COPA: variants seen among roughly 807,000 people sequenced by gnomAD.
The protein encoded by COPA is coatomer subunit alpha.
A neutral mutation model predicts 158.7 loss-of-function variants in COPA; 10 were observed. The observed-to-expected ratio is 0.06, with a 90% CI of 0.04 to 0.11. The LOEUF (loss-of-function observed/expected upper bound fraction) is 0.11. Ranked by LOEUF, COPA falls within the 10% of genes least tolerant of loss-of-function variation. The probability of loss-of-function intolerance (pLI) is 1.00; values close to 1 mark genes in which losing one functional copy is unlikely to be tolerated. For missense variants in COPA, 1,065 were observed against 1,536.7 expected, an observed-to-expected ratio of 0.69 and a Z score of 5.13; for synonymous variants, 462 against 542.8, an observed-to-expected ratio of 0.85 and a Z score of 2.07.
chr1:160,327,565 A>AAAAAAAAGG (rs1320625986), intron 6 of COPA, among the ~76,000 whole-genome samples: 1 of 141,888 alleles, frequency 7.0e-6, no homozygotes, highest in Admixed American at 7.0e-5. Flanking sequence ...TCTCAAATTA[A>AAAAAAAAGG]AAAAAAAGGA....
intron 17 of COPA, 71 bp downstream of exon 17, chr1:160,305,362 A>C: frequency 6.7e-7 from 1 of 1,488,752 alleles, no homozygotes; most frequent in East Asian, 2.3e-5. Context: ...GACTTCAGTT[A>C]CATCTCAAGA....
chr1:160,331,903 A>G (rs12070365), intron 6 of COPA, among the ~76,000 whole-genome samples: 6,379 of 151,564 alleles, frequency 0.042, 434 homozygotes, highest in African/African-American at 0.15. Flanking sequence ...CAAGATCATC[A>G]CACCACTGCG....
At chr1:160,299,013 G>A (rs764712193) in intron 18 of COPA, 22 bp from the exon 19 acceptor site, 41 of 1,611,838 alleles carry the variant, frequency 2.5e-5, no homozygotes, top group Middle Eastern at 1.7e-4. Context: ...GGGTGGAGTC[G>A]GGCAAGAAGT....
intron 8 of COPA, among the ~76,000 whole-genome samples, chr1:160,319,634 CA>C (rs1659267188): frequency 6.6e-6 from 1 of 151,062 alleles, no homozygotes; most frequent in South Asian, 2.1e-4. Context: ...CTTTAGGCCA[CA>C]AAACAAGCTT....
At chr1:160,310,327 C>G in intron 11 of COPA, 69 bp from the exon 12 acceptor site, 1 of 865,556 alleles carries the variant, frequency 1.2e-6, no homozygotes, top group Non-Finnish European at 1.8e-6. Flanking sequence ...AAAGGAATCA[C>G]CCCCACACCT....
At chr1:160,314,553 C>G (rs913780340) in intron 8 of COPA, among the ~76,000 whole-genome samples, 1 of 152,078 alleles carries the variant, frequency 6.6e-6, no homozygotes, top group Non-Finnish European at 1.5e-5. Context: ...TCGCCCAAGC[C>G]CAAAAGGTCA....
At chr1:160,308,013 G>A (rs1658845288) in intron 13 of COPA, among the ~76,000 whole-genome samples, 3 of 152,134 alleles carry the variant, frequency 2.0e-5, no homozygotes, top group South Asian at 2.1e-4. Context: ...CAACACTCCC[G>A]TTTTCCAGGG....
chr1:160,309,898 G>A (rs1326795464), intron 12 of COPA, among the ~76,000 whole-genome samples: 3 of 151,910 alleles, frequency 2.0e-5, no homozygotes, highest in African/African-American at 7.3e-5. Flanking sequence ...TCTTTCCATA[G>A]GAAATATATA....
chr1:160,309,483 G>A (rs1350182084), intron 12 of COPA, among the ~76,000 whole-genome samples: 4 of 151,470 alleles, frequency 2.6e-5, no homozygotes, highest in Admixed American at 6.6e-5. Flanking sequence ...TGATATTCTG[G>A]TACCCCACCC....
Position 160,298,868 on chromosome 1 carries a change from C to T in COPA, c.1954G>A (p.Ala652Thr). 1 of 1,614,150 alleles carries T rather than the reference C, an allele frequency of 6.2e-7. No homozygotes were observed. The highest frequency in any genetic ancestry group is 2.2e-5 in the East Asian group (1 of 44,874). The change falls in exon 19 of 33, where the codon GCA becomes ACA. Residue 652 changes from alanine (A) to threonine (T), a missense_variant. Physicochemically the swap from Ala to Thr is moderately conservative, Grantham distance 58. Coordinates refer to ENST00000241704, the MANE Select transcript of COPA (RefSeq NM_004371.4). Reference sequence around the variant, plus strand: ...ACCTCAATGTTTCCACACTCCAGTGCCAGACTAAAGCGAGTTTTCTCATCC... The same window carrying T: ...ACCTCAATGTTTCCACACTCCAGTGTCAGACTAAAGCGAGTTTTCTCATCC... ...VKDEKTRFSLALECGNIEIAL... is the reference protein window; with the variant it reads ...VKDEKTRFSLTLECGNIEIAL...
chr1:160,291,437 A>T lies in COPA; in HGVS notation c.3318T>A (p.Arg1106=). 1 of 1,614,178 alleles carries T rather than the reference A, an allele frequency of 6.2e-7. No individual in the cohort carries two copies. The highest frequency in any genetic ancestry group is 2.2e-5 in the East Asian group (1 of 44,886). ...LQPVHMILVL[R]TALNLFFKLK... ...GCTTGAAGAACAGATTGAGGGCTGT[A>T]CGCAGCACCAGGATCATGTGCACAG... Residue 1106 remains arginine, a synonymous_variant, in exon 31 of 33, where the codon CGT becomes CGA. Transcript: ENST00000241704.
chr1:160,295,844 G>A lies in COPA; in HGVS notation c.2368C>T (p.Pro790Ser), dbSNP rs951046768. The A allele has an allele frequency of 6.2e-7, 1 of 1,610,448 alleles. No individual in the cohort carries two copies. Among genetic ancestry groups the A allele is most frequent in the Non-Finnish European group, 8.5e-7 (1 of 1,178,996 alleles). The change falls in exon 23 of 33, where the codon CCT becomes TCT. Residue 790 changes from proline (P) to serine (S), a missense_variant. By Grantham distance (74) the Pro-to-Ser change is moderately conservative. This residue lies in a region of COPA where 980 missense variants were observed against 1,357.8 expected (regional missense o/e 0.72). Coordinates refer to ENST00000241704, the MANE Select transcript of COPA (RefSeq NM_004371.4). ...PEKETIPDID[P>S]NAKLLQPPAP... Reference sequence around the variant, plus strand: ...GGTGGCTGGAGCAGCTTGGCATTAGGGTCAATGTCTGGGATCTGAATAGTA... The same window carrying A: ...GGTGGCTGGAGCAGCTTGGCATTAGAGTCAATGTCTGGGATCTGAATAGTA...
chr1:160,307,298 GACAT>G, intron 13 of COPA, 53 bp from the exon 14 acceptor site: 4 of 1,563,004 alleles, frequency 2.6e-6, no homozygotes, highest in Non-Finnish European at 3.5e-6. Flanking sequence ...ACTGGCAGGT[GACAT>G]AGTCGGGTGC....
chr1:160,312,775 T>A (rs1659008240), intron 10 of COPA, among the ~76,000 whole-genome samples: 1 of 152,226 alleles, frequency 6.6e-6, no homozygotes, highest in Non-Finnish European at 1.5e-5. Context: ...AGTCTCTGCA[T>A]TTGCTGTTCC....
chr1:160,327,799 G>A (rs376202610), intron 6 of COPA, among the ~76,000 whole-genome samples: 9 of 151,300 alleles, frequency 5.9e-5, no homozygotes, highest in Admixed American at 1.3e-4. Flanking sequence ...CGGAGGCTGC[G>A]ATGAGCTGAG....
Position 160,306,403 on chromosome 1 carries a change from G to A in COPA, c.1393C>T (p.Leu465=). The change falls in exon 15 of 33, where the codon CTG becomes TTG. Residue 465 remains leucine (L), a synonymous_variant. Transcript: ENST00000241704. Reference sequence around the variant, plus strand: ...GTGATAGAGTCCGCATCTCGAAGCAGGAGATTGCCTGTGCCAGCATAGAAG... The same window carrying A: ...GTGATAGAGTCCGCATCTCGAAGCAAGAGATTGCCTGTGCCAGCATAGAAG... ...EIFYAGTGNL[L]LRDADSITLF... 1 of 1,614,022 alleles carries A rather than the reference G, an allele frequency of 6.2e-7. No homozygotes were observed. The highest frequency in any genetic ancestry group is 8.5e-7 in the Non-Finnish European group (1 of 1,179,936).
chr1:160,318,115 C>T (rs12080551), intron 8 of COPA, among the ~76,000 whole-genome samples: 7,532 of 152,096 alleles, frequency 0.05, 589 homozygotes, highest in African/African-American at 0.17. Flanking sequence ...TTTCAGAGAA[C>T]TGAAACTGTG....
intron 1 of COPA, among the ~76,000 whole-genome samples, chr1:160,341,223 A>G (rs961130888): frequency 1.3e-5 from 2 of 152,236 alleles, no homozygotes; most frequent in African/African-American, 4.8e-5. Flanking sequence ...GTATCCTTTC[A>G]GATTTTTAAT....
rs200071788 is a variant in COPA at position 160,290,119 on chromosome 1, G to A, written c.*38C>T. 8.8e-4 allele frequency: 1,410 copies of A among 1,598,188 alleles called. 6 individuals are homozygous for A. Among genetic ancestry groups the A allele is most frequent in the Middle Eastern group, 3.2e-3 (19 of 6,012 alleles). ...AGGATATAGACACATTCTCTGGGGG[G>A]AACATATGGTGACTGACCCATGCAC... On this transcript the variant is annotated 3_prime_UTR_variant, in exon 33 of 33. Coordinates refer to ENST00000241704, the MANE Select transcript of COPA (RefSeq NM_004371.4).
Sources: allele counts gnomAD v4.1 joint callset (sites outside exome capture counted in the v4.1 genomes callset), GRCh38; gene constraint gnomAD v4.1.1; regional missense constraint gnomAD v4.1.1; transcripts MANE v1.5; gene names NCBI Gene and HGNC (gene_info 2026-07-23, HGNC 2026-07-21).